The following SYK variants were observed in gnomAD, a reference collection of about 807,000 sequenced individuals.
SYK encodes tyrosine-protein kinase SYK.
SYK carries 16 observed loss-of-function variants against 77.8 expected under a neutral mutation model. The ratio of observed to expected loss-of-function variants is 0.21; its 90% CI spans 0.14 to 0.31. SYK has a LOEUF of 0.31. SYK is among the 10% of genes least tolerant of loss of function. The probability of loss-of-function intolerance (pLI) is 1.00; values close to 1 mark genes in which losing one functional copy is unlikely to be tolerated. For missense variants in SYK, 529 were observed against 814.4 expected, an observed-to-expected ratio of 0.65 and a Z score of 4.26; for synonymous variants, 312 against 308.7, an observed-to-expected ratio of 1.01 and a Z score of -0.11.
At chr9:90,872,018 C>T (rs1216057914) in intron 7 of SYK, among the ~76,000 whole-genome samples, 1 of 152,174 alleles carries the variant, frequency 6.6e-6, no homozygotes, top group Non-Finnish European at 1.5e-5. Context: ...TATTTGTGCC[C>T]AGGGGTTTAG....
intron 3 of SYK, among the ~76,000 whole-genome samples, chr9:90,851,608 C>T (rs1193194890): frequency 6.6e-6 from 1 of 152,112 alleles, no homozygotes; most frequent in African/African-American, 2.4e-5. Context: ...GGTCAGAGTG[C>T]TGCCTTGTTG....
At chr9:90,836,765 G>A (rs1048450435) in intron 1 of SYK, among the ~76,000 whole-genome samples, 2 of 152,310 alleles carry the variant, frequency 1.3e-5, no homozygotes, top group African/African-American at 4.8e-5. Flanking sequence ...GGTCCCATGT[G>A]AAGGGTCACA....
intron 1 of SYK, among the ~76,000 whole-genome samples, chr9:90,841,094 AT>A (rs1826296027): frequency 6.6e-6 from 1 of 150,972 alleles, no homozygotes; most frequent in African/African-American, 2.4e-5. Flanking sequence ...TGTGGCATGT[AT>A]GTAGTTTGTG....
intron 1 of SYK, among the ~76,000 whole-genome samples, chr9:90,837,727 T>C (rs888894172): frequency 6.6e-6 from 1 of 152,158 alleles, no homozygotes; most frequent in Non-Finnish European, 1.5e-5. Context: ...GAGATGGCGG[T>C]GGCTTCCACG....
intron 11 of SYK, among the ~76,000 whole-genome samples, chr9:90,884,151 G>GTATATATATATATACACATACA (rs1320683584): frequency 5.3e-5 from 5 of 94,564 alleles, no homozygotes; most frequent in African/African-American, 2.2e-4. Context: ...ATATGTGTGT[G>GTATATATATATATACACATACA]TGTATATATA....
chr9:90,812,812 T>A (rs1825143398), intron 1 of SYK, among the ~76,000 whole-genome samples: 2 of 147,220 alleles, frequency 1.4e-5, no homozygotes, highest in South Asian at 2.1e-4. Context: ...AGGGCTCGTG[T>A]TTTTCTGTTG....
chr9:90,868,723 A>G (rs1299268126), intron 7 of SYK, among the ~76,000 whole-genome samples: 1 of 152,208 alleles, frequency 6.6e-6, no homozygotes, highest in Non-Finnish European at 1.5e-5. Flanking sequence ...AAGGCATGGT[A>G]GATAAGCACT....
At chr9:90,808,557 T>G (rs1196529952) in intron 1 of SYK, among the ~76,000 whole-genome samples, 1 of 151,902 alleles carries the variant, frequency 6.6e-6, no homozygotes, top group East Asian at 1.9e-4. Flanking sequence ...AAGACCTGGA[T>G]GTGCACAGGG....
chr9:90,840,460 C>T (rs1170139163), intron 1 of SYK, among the ~76,000 whole-genome samples: 1 of 150,882 alleles, frequency 6.6e-6, no homozygotes, highest in Non-Finnish European at 1.5e-5. Context: ...TTGTAGAATG[C>T]AGGCGTGAGC....
chr9:90,812,506 T>C (rs1161517102), intron 1 of SYK, among the ~76,000 whole-genome samples: 3 of 152,132 alleles, frequency 2.0e-5, no homozygotes, highest in African/African-American at 7.2e-5. Flanking sequence ...GCAGCCTGCC[T>C]TCAGATGTTT....
At chr9:90,829,369 G>A (rs1825796570) in intron 1 of SYK, among the ~76,000 whole-genome samples, 1 of 152,170 alleles carries the variant, frequency 6.6e-6, no homozygotes, top group Non-Finnish European at 1.5e-5. Flanking sequence ...GGTCTGAGGT[G>A]GGCCCAGAAC....
At chr9:90,890,476 C>T (rs925586259) in intron 13 of SYK, among the ~76,000 whole-genome samples, 2 of 152,184 alleles carry the variant, frequency 1.3e-5, no homozygotes, top group Non-Finnish European at 2.9e-5. Context: ...TCTTTCTAAA[C>T]GTATTTTCCC....
intron 9 of SYK, among the ~76,000 whole-genome samples, chr9:90,875,741 G>A (rs974369904): frequency 2.8e-4 from 42 of 151,980 alleles, no homozygotes; most frequent in South Asian, 2.1e-4. Context: ...GCTAAATTTC[G>A]AAAATATCTT....
At chr9:90,833,511 G>T (rs1191776687) in intron 1 of SYK, among the ~76,000 whole-genome samples, 1 of 152,158 alleles carries the variant, frequency 6.6e-6, no homozygotes, top group Non-Finnish European at 1.5e-5. Flanking sequence ...CCTCTGTAGG[G>T]GATGAAATTT....
At chr9:90,864,525 C>T (rs1407927334) in intron 4 of SYK, 64 bp from the exon 5 acceptor site, 21 of 1,407,190 alleles carry the variant, frequency 1.5e-5, no homozygotes, top group Non-Finnish European at 2.1e-5. Flanking sequence ...CAGTAGCTCT[C>T]AGTCACTATT....
At chr9:90,870,046 T>G (rs1014253230) in intron 7 of SYK, among the ~76,000 whole-genome samples, 1 of 152,126 alleles carries the variant, frequency 6.6e-6, no homozygotes, top group African/African-American at 2.4e-5. Flanking sequence ...AGGTGGAGAT[T>G]GCAGAGATCG....
At chr9:90,892,297 A>G (rs1340338143) in intron 13 of SYK, among the ~76,000 whole-genome samples, 1 of 152,176 alleles carries the variant, frequency 6.6e-6, no homozygotes, top group Non-Finnish European at 1.5e-5. Context: ...TGTGTTAAAT[A>G]TGTTTACTCA....
intron 6 of SYK, among the ~76,000 whole-genome samples, chr9:90,865,937 T>A (rs940157151): frequency 7.1e-6 from 1 of 140,898 alleles, no homozygotes; most frequent in African/African-American, 2.7e-5. Context: ...CTCGCTCTGT[T>A]GCCCAGGCTG....
chr9:90,804,344 C>T (rs1477087639), intron 1 of SYK, among the ~76,000 whole-genome samples: 2 of 152,202 alleles, frequency 1.3e-5, no homozygotes, highest in Non-Finnish European at 2.9e-5. Flanking sequence ...AAGTTACTTA[C>T]AGGAGGGGTT....
Sources: allele counts gnomAD v4.1 joint callset (sites outside exome capture counted in the v4.1 genomes callset), GRCh38; gene constraint gnomAD v4.1.1; transcripts MANE v1.5; gene names NCBI Gene and HGNC (gene_info 2026-07-23, HGNC 2026-07-21).